The following PAX2 variants were observed in gnomAD, a reference collection of about 807,000 sequenced individuals.
The protein encoded by PAX2 is paired box 2.
PAX2 carries 9 observed loss-of-function variants against 41.7 expected under a neutral mutation model. The observed-to-expected ratio is 0.22, with a 90% CI of 0.13 to 0.38. PAX2 has a LOEUF of 0.38. Ranked by LOEUF, PAX2 falls within the 10% of genes least tolerant of loss-of-function variation. PAX2 has a pLI of 1.00. For synonymous variants in PAX2, 221 were observed against 212.7 expected, an observed-to-expected ratio of 1.04 and a Z score of -0.34; for missense variants, 418 against 531.6, an observed-to-expected ratio of 0.79 and a Z score of 2.10.
intron 7 of PAX2, among the ~76,000 whole-genome samples, chr10:100,822,680 G>T (rs1226255808): frequency 1.3e-5 from 2 of 152,214 alleles, no homozygotes; most frequent in Non-Finnish European, 2.9e-5. Context: ...CTTCCCTGAT[G>T]GGTAGAATGG....
intron 5 of PAX2, among the ~76,000 whole-genome samples, chr10:100,798,571 G>A (rs1031533706): frequency 1.3e-5 from 2 of 151,972 alleles, no homozygotes; most frequent in Non-Finnish European, 2.9e-5. Context: ...GCCCTCTGGA[G>A]CCCCTTCCCT....
chr10:100,786,114 T>C (rs1039071206), intron 5 of PAX2, among the ~76,000 whole-genome samples: 14 of 152,230 alleles, frequency 9.2e-5, no homozygotes, highest in Non-Finnish European at 1.5e-4. Flanking sequence ...AGAAATTTAT[T>C]TGGGCATAGG....
At chr10:100,751,994 G>A (rs962345040) in intron 3 of PAX2, among the ~76,000 whole-genome samples, 1 of 152,180 alleles carries the variant, frequency 6.6e-6, no homozygotes, top group Non-Finnish European at 1.5e-5. Context: ...GCCTTATTCT[G>A]AAATTGGCAT....
At chr10:100,770,351 G>C (rs550517363) in intron 3 of PAX2, among the ~76,000 whole-genome samples, 12 of 152,334 alleles carry the variant, frequency 7.9e-5, no homozygotes, top group African/African-American at 2.9e-4. Context: ...GGGGTGGACA[G>C]CTGGTAGATT....
In PAX2 at chr10:100,791,893, G is replaced by A. The variant is rs1847133489; in HGVS notation, c.616+10528G>A. Among the ~76,000 whole-genome samples the A allele has an allele frequency of 6.6e-6, 1 of 152,188 alleles. No homozygotes were observed. Among genetic ancestry groups the A allele is most frequent in the South Asian group, 2.1e-4 (1 of 4,832 alleles). On this transcript the variant is annotated intron_variant, in intron 5 of 9. Coordinates refer to ENST00000355243, the MANE Select transcript of PAX2 (RefSeq NM_000278.5). This position sits in a 1 kb window ranked among gnomAD's most constrained non-coding sequence, Gnocchi z 4.5. ...AGCCGAGGGCACTGTGGGCCACCTG[G>A]GGCAGCCAGCTTGTAGGAGCCGCCT...
In PAX2 at chr10:100,829,120, A is replaced by C; in HGVS notation, c.*1501A>C. On this transcript the variant is annotated 3_prime_UTR_variant, in exon 10 of 10. Coordinates refer to ENST00000355243, the MANE Select transcript of PAX2 (RefSeq NM_000278.5). Reference sequence around the variant, plus strand: ...AAAAAAAAATTACGAAAGAAAAGAAATCTCTATGCAAAATGACGAACATGG... The same window carrying C: ...AAAAAAAAATTACGAAAGAAAAGAACTCTCTATGCAAAATGACGAACATGG... The C allele has an allele frequency of 4.3e-6, 1 of 230,194 alleles. No individual in the cohort carries two copies. Among genetic ancestry groups the C allele is most frequent in the Non-Finnish European group, 8.6e-6 (1 of 116,012 alleles). The allele number at this position is 230,194 out of a possible 1,614,324, so 14.3% of individuals were successfully genotyped here.
At chr10:100,817,699 A>G (rs1301296735) in intron 7 of PAX2, among the ~76,000 whole-genome samples, 1 of 152,156 alleles carries the variant, frequency 6.6e-6, no homozygotes, top group Admixed American at 6.5e-5. Flanking sequence ...TGGAGCAGGC[A>G]AGCCTCAGGT....
intron 5 of PAX2, among the ~76,000 whole-genome samples, chr10:100,790,156 A>G (rs978685547): frequency 3.9e-5 from 6 of 152,332 alleles, no homozygotes; most frequent in Admixed American, 3.9e-4. Flanking sequence ...GGGATTTAGC[A>G]CAAAAGAGTA....
chr10:100,783,631 C>A (rs975841056), intron 5 of PAX2, among the ~76,000 whole-genome samples: 5 of 148,548 alleles, frequency 3.4e-5, no homozygotes, highest in Admixed American at 3.4e-4. Flanking sequence ...GATAGCAGGC[C>A]AGGTCTAGAC....
At position 100,829,283 on chromosome 10, in the gene PAX2, T is replaced by A. The variant is rs939808468; in HGVS notation, c.*1664T>A. On this transcript the variant is annotated 3_prime_UTR_variant, in exon 10 of 10. Coordinates refer to ENST00000355243, the MANE Select transcript of PAX2 (RefSeq NM_000278.5). Reference sequence around the variant, plus strand: ...CCCCCTCTGTCTCTGTCTCTCTCCGTCTCTGTCGCTCTTGTCTGTCTGTCT... The same window carrying A: ...CCCCCTCTGTCTCTGTCTCTCTCCGACTCTGTCGCTCTTGTCTGTCTGTCT... 8.7e-6 allele frequency: 2 copies of A among 229,786 alleles called. No homozygotes were observed. The highest frequency in any genetic ancestry group is 1.7e-5 in the Non-Finnish European group (2 of 115,924). The allele number at this position is 229,786 out of a possible 1,614,324, so 14.2% of individuals were successfully genotyped here. A position where few individuals can be genotyped will look rare whatever the true frequency, so the allele number is the denominator to read the frequency against.
chr10:100,772,530 A>G (rs1846251267), intron 3 of PAX2, among the ~76,000 whole-genome samples: 1 of 152,192 alleles, frequency 6.6e-6, no homozygotes, highest in African/African-American at 2.4e-5. Flanking sequence ...AGAGGCCCCC[A>G]TGACCATTCG....
At chr10:100,816,296 G>A (rs1208257448) in intron 7 of PAX2, among the ~76,000 whole-genome samples, 1 of 152,226 alleles carries the variant, frequency 6.6e-6, no homozygotes, top group Non-Finnish European at 1.5e-5. Context: ...TGATTCGTCA[G>A]GTTACGGGAC....
At chr10:100,739,711 G>T (rs1844888506) in intron 1 of PAX2, among the ~76,000 whole-genome samples, 1 of 152,222 alleles carries the variant, frequency 6.6e-6, no homozygotes, top group Non-Finnish European at 1.5e-5. Flanking sequence ...ACCCTCCGCA[G>T]GTCCCACGGT....
chr10:100,736,743 C>T (rs1185004814), intron 1 of PAX2, among the ~76,000 whole-genome samples: 1 of 152,120 alleles, frequency 6.6e-6, no homozygotes, highest in South Asian at 2.1e-4. Context: ...CCTGAACCCC[C>T]GGGAGTGTCA....
intron 5 of PAX2, among the ~76,000 whole-genome samples, chr10:100,792,270 G>A (rs943433801): frequency 6.6e-6 from 1 of 152,242 alleles, no homozygotes; most frequent in Non-Finnish European, 1.5e-5. Flanking sequence ...CAAGCACATG[G>A]GTTCGTGCGT....
rs1204104941 is a variant in PAX2 at position 100,750,904 on chromosome 10, C to G, written c.410+13C>G. The G allele has an allele frequency of 6.2e-7, 1 of 1,610,450 alleles. No homozygotes were observed. The highest frequency in any genetic ancestry group is 1.7e-5 in the Admixed American group (1 of 60,024). On this transcript the variant is annotated intron_variant, in intron 3 of 9. Coordinates refer to ENST00000355243, the MANE Select transcript of PAX2 (RefSeq NM_000278.5). This position sits in a 1 kb window ranked among gnomAD's most constrained non-coding sequence, Gnocchi z 4.1. ...CTTCCATCAACAGGTGAGCAAGCCACCCGGGTTTTCAGGGCTGGACTCCAG... is the reference window on the plus strand; with the variant it reads ...CTTCCATCAACAGGTGAGCAAGCCAGCCGGGTTTTCAGGGCTGGACTCCAG...
intron 5 of PAX2, among the ~76,000 whole-genome samples, chr10:100,783,171 G>A (rs1047500497): frequency 2.6e-5 from 4 of 152,244 alleles, no homozygotes; most frequent in South Asian, 2.1e-4. Flanking sequence ...GTGGTTGATC[G>A]CCTTCATTGT....
rs1845282124 is a variant in PAX2 at position 100,748,307 on chromosome 10, G to A, written c.44-1439G>A. On this transcript the variant is annotated intron_variant, in intron 1 of 9. Transcript: ENST00000355243. This position sits in a 1 kb window ranked among gnomAD's most constrained non-coding sequence, Gnocchi z 5.0. Reference sequence around the variant, plus strand: ...TGGAGGGAGGGGAGGGTGAGAAGTGGGGCTAGAGATAGGGAGATTAACGGG... The same window carrying A: ...TGGAGGGAGGGGAGGGTGAGAAGTGAGGCTAGAGATAGGGAGATTAACGGG... The A allele has an allele frequency of 5.1e-6, 5 of 984,868 alleles. No homozygotes were observed. The highest frequency in any genetic ancestry group is 6.0e-6 in the Non-Finnish European group (5 of 829,554). The allele number at this position is 984,868 out of a possible 1,614,324, so 61.0% of individuals were successfully genotyped here.
At position 100,816,479 on chromosome 10, in the gene PAX2, C is replaced by T. The variant is rs557736074; in HGVS notation, c.919+7243C>T. Among the ~76,000 whole-genome samples the T allele has an allele frequency of 4.6e-5, 7 of 152,240 alleles. No homozygotes were observed. The South Asian group carries it at 1.0e-3, about 23-fold the overall frequency. On this transcript the variant is annotated intron_variant, in intron 7 of 9. Transcript: ENST00000355243. ...GTCAACCCAACATTTTTTGAATGAC[C>T]GGAAATCCTAAAGACTGCTGTCCCA...
Sources: gnomAD v4.1 joint callset for allele counts (sites outside exome capture counted in the v4.1 genomes callset) on GRCh38, gnomAD v4.1.1 for gene constraint, Gnocchi (gnomAD v3.1) non-coding constraint, MANE v1.5 for transcripts, NCBI Gene and HGNC (gene_info 2026-07-23, HGNC 2026-07-21) for gene names.